OGA: variants seen among roughly 807,000 people sequenced by gnomAD.
OGA encodes the protein protein O-GlcNAcase.
OGA carries 21 observed loss-of-function variants against 102.0 expected under a neutral mutation model. The observed-to-expected ratio is 0.21, with a 90% CI of 0.15 to 0.30. The LOEUF (loss-of-function observed/expected upper bound fraction) is 0.30. Among genes scored for constraint, OGA ranks in the 10% least tolerant of loss-of-function variants. OGA has a pLI of 1.00. For synonymous variants in OGA, 408 were observed against 378.2 expected (o/e 1.08, Z -0.91); for missense variants, 765 against 1,107.8 (o/e 0.69, Z 4.39).
At position 101,799,192 on chromosome 10, in the gene OGA, T is replaced by G; in HGVS notation, c.1459A>C (p.Ile487Leu). 1 of 1,614,258 alleles carries G rather than the reference T, an allele frequency of 6.2e-7. No homozygotes were observed. Among genetic ancestry groups the G allele is most frequent in the Non-Finnish European group, 8.5e-7 (1 of 1,180,040 alleles). ...HKNDNQILSE[I>L]VEAKMAEELK... ...TCCTCTGCCATTTTCGCTTCAACAATTTCACTCAGTATTTGATTGTCATTC... is the reference window on the plus strand; with the variant it reads ...TCCTCTGCCATTTTCGCTTCAACAAGTTCACTCAGTATTTGATTGTCATTC... Residue 487 changes from isoleucine to leucine, a missense_variant, in exon 9 of 16, where the codon ATT (isoleucine) becomes CTT (leucine). This residue lies in a region of OGA where 281 missense variants were observed against 345.8 expected (regional missense o/e 0.81). Transcript: ENST00000361464.
At position 101,813,190 on chromosome 10, in the gene OGA, T is replaced by C; in HGVS notation, c.252-63A>G. The C allele has an allele frequency of 3.8e-6, 4 of 1,062,802 alleles. No homozygotes were observed. In the South Asian group the frequency reaches 4.1e-5, roughly 11 times the overall value. 65.8% of individuals were successfully genotyped at this position (1,062,802 alleles called of 1,614,324 possible). A position where few individuals can be genotyped will look rare whatever the true frequency, so the allele number is the denominator to read the frequency against. ...AACATTCATAGGCTGTCAATCTCCA[T>C]TTCCCTCTTCTTGGAGCATCTCCAT... On this transcript the variant is annotated intron_variant, in intron 2 of 15. Transcript: ENST00000361464.
intron 1 of OGA, among the ~76,000 whole-genome samples, chr10:101,815,679 A>C (rs2065612686): frequency 6.6e-6 from 1 of 152,080 alleles, no homozygotes; most frequent in Non-Finnish European, 1.5e-5. Context: ...GTAGGCATTA[A>C]ACATCCTTTC....
intron 10 of OGA, chr10:101,797,574 A>T (rs1166078909): frequency 4.1e-5 from 11 of 265,718 alleles, no homozygotes; most frequent in Non-Finnish European, 2.1e-5. Flanking sequence ...TCATTTCAGC[A>T]ATTGTTCTGT....
intron 1 of OGA, among the ~76,000 whole-genome samples, chr10:101,815,815 A>G (rs1042045941): frequency 2.0e-5 from 3 of 152,036 alleles, no homozygotes; most frequent in African/African-American, 7.2e-5. Context: ...TGGCACCACA[A>G]AGAGGAAGCA....
intron 14 of OGA, among the ~76,000 whole-genome samples, chr10:101,788,391 A>C (rs1236788663): frequency 6.7e-6 from 1 of 149,310 alleles, no homozygotes; most frequent in Non-Finnish European, 1.5e-5. Context: ...GTAGGCTGAG[A>C]TCCTGCCACC....
intron 12 of OGA, among the ~76,000 whole-genome samples, chr10:101,791,690 G>T (rs1331317402): frequency 6.6e-6 from 1 of 152,200 alleles, no homozygotes; most frequent in Non-Finnish European, 1.5e-5. Context: ...TGTTTTTTGA[G>T]ACAAAGTCTT....
In OGA at chr10:101,810,290, G is replaced by T; in HGVS notation, c.374C>A (p.Ala125Asp). ...EAEQLMTLIS[A>D]AREYEIEFIY... ...GAACTCTATCTCATATTCTCGTGCA[G>T]CAGAGATGAGAGTCATAAGTTGCTC... Residue 125 changes from alanine to aspartate, a missense_variant, in exon 4 of 16, where the codon GCT becomes GAT. Ala to Asp is a moderately radical substitution (Grantham distance 126). Coordinates refer to ENST00000361464, the MANE Select transcript of OGA (RefSeq NM_012215.5). 6.2e-7 allele frequency: 1 copy of T among 1,612,544 alleles called. No individual in the cohort carries two copies.
At position 101,803,934 on chromosome 10, in the gene OGA, A is replaced by T. The variant is rs1156237404; in HGVS notation, c.837T>A (p.Asp279Glu). The change falls in exon 7 of 16, where the codon GAT becomes GAA. Residue 279 changes from aspartate (D) to glutamate (E), a missense_variant. Asp to Glu is a conservative substitution (Grantham distance 45). Transcript: ENST00000361464. ...GATCATAATCATTAGCATGAATGTT[A>T]TCCCAGATTACTGGAGCTCTCTTAA... is the stretch of plus-strand genomic sequence containing the variant. ...KIIKRAPVIWDNIHANDYDQK... is the reference protein window; with the variant it reads ...KIIKRAPVIWENIHANDYDQK... 6.2e-7 allele frequency: 1 copy of T among 1,614,080 alleles called. No homozygotes were observed. Among genetic ancestry groups the T allele is most frequent in the Non-Finnish European group, 8.5e-7 (1 of 1,179,900 alleles).
At chr10:101,789,914 G>A (rs1014656383) in intron 14 of OGA, among the ~76,000 whole-genome samples, 3 of 152,214 alleles carry the variant, frequency 2.0e-5, no homozygotes, top group African/African-American at 7.2e-5. Context: ...GGGAGGTCAA[G>A]GCTGCAGTGA....
intron 4 of OGA, 89 bp downstream of exon 4, chr10:101,810,095 G>A (rs1018666806): frequency 4.9e-6 from 6 of 1,216,750 alleles, no homozygotes; most frequent in Admixed American, 4.9e-5. Context: ...ATAGGAATTT[G>A]ATTTCCTTTT....
Position 101,787,485 on chromosome 10 carries a change from C to T in OGA, c.2493G>A (p.Leu831=), listed in dbSNP as rs2065203890. The T allele has an allele frequency of 1.2e-6, 2 of 1,613,304 alleles. No individual in the cohort carries two copies. The highest frequency in any genetic ancestry group is 4.5e-5 in the East Asian group (2 of 44,876). Reference sequence around the variant, plus strand: ...GGAAATTAGCAAGGAAAGTTTCTGGCAGTACTTCCTGTTCTTCATGGAAAC... The same window carrying T: ...GGAAATTAGCAAGGAAAGTTTCTGGTAGTACTTCCTGTTCTTCATGGAAAC... ...MLSFHEEQEV[L]PETFLANFPS... Residue 831 remains leucine (L), a synonymous_variant, in exon 15 of 16, where the codon CTG becomes CTA. Coordinates refer to ENST00000361464, the MANE Select transcript of OGA (RefSeq NM_012215.5).
chr10:101,805,197 T>C (rs1423365545), intron 6 of OGA, among the ~76,000 whole-genome samples: 2 of 152,148 alleles, frequency 1.3e-5, no homozygotes, highest in Non-Finnish European at 2.9e-5. Flanking sequence ...CCAGCCCACC[T>C]GGCTAAGTTT....
At chr10:101,789,710 G>A (rs1345963944) in intron 14 of OGA, among the ~76,000 whole-genome samples, 2 of 151,988 alleles carry the variant, frequency 1.3e-5, no homozygotes, top group African/African-American at 2.4e-5. Flanking sequence ...ACAGTGGCTC[G>A]TGCTTGTAAT....
intron 3 of OGA, among the ~76,000 whole-genome samples, chr10:101,812,101 T>C (rs571786757): frequency 2.0e-5 from 3 of 152,344 alleles, no homozygotes; most frequent in African/African-American, 4.8e-5. Flanking sequence ...AATATCTTGT[T>C]AGCTATATGC....
intron 1 of OGA, among the ~76,000 whole-genome samples, chr10:101,814,741 C>G (rs905004587): frequency 6.6e-6 from 1 of 152,150 alleles, no homozygotes; most frequent in African/African-American, 2.4e-5. Context: ...AATGAAAATT[C>G]AAGAATATTA....
chr10:101,801,344 A>T (rs1366751543), intron 7 of OGA, among the ~76,000 whole-genome samples: 1 of 151,288 alleles, frequency 6.6e-6, no homozygotes, highest in Non-Finnish European at 1.5e-5. Flanking sequence ...GTGAGCTGAG[A>T]TCGGGCCATT....
At chr10:101,813,697 C>A (rs2065586246) in intron 1 of OGA, 91 bp from the exon 2 acceptor site, 1 of 689,956 alleles carries the variant, frequency 1.4e-6, no homozygotes, top group Non-Finnish European at 2.4e-6. Context: ...ATAATACAAT[C>A]CTATTTTGTA....
At chr10:101,817,398 C>T (rs2065647081) in intron 1 of OGA, among the ~76,000 whole-genome samples, 1 of 152,202 alleles carries the variant, frequency 6.6e-6, no homozygotes, top group African/African-American at 2.4e-5. Flanking sequence ...CTTCTCTTCA[C>T]TCCAGAAGTA....
At chr10:101,792,650 T>C (rs2065272689) in intron 12 of OGA, 189 bp downstream of exon 12, 1 of 483,730 alleles carries the variant, frequency 2.1e-6, no homozygotes, top group Non-Finnish European at 3.7e-6. Flanking sequence ...ATTAAAGAAC[T>C]TGGCACAAGA....
Sources: allele counts gnomAD v4.1 joint callset (sites outside exome capture counted in the v4.1 genomes callset), GRCh38; gene constraint gnomAD v4.1.1; regional missense constraint gnomAD v4.1.1; transcripts MANE v1.5; gene names NCBI Gene and HGNC (gene_info 2026-07-23, HGNC 2026-07-21).